The following IMMP2L variants were observed in gnomAD, a reference collection of about 807,000 sequenced individuals.
The protein encoded by IMMP2L is inner mitochondrial membrane peptidase subunit 2.
Under a neutral mutation model 19.3 loss-of-function variants are expected in IMMP2L, and 18 were observed. That is an observed-to-expected ratio of 0.93 (90% CI 0.64 to 1.38). The LOEUF (loss-of-function observed/expected upper bound fraction) is 1.38, where lower values mean the gene tolerates loss of function less well. IMMP2L is among the 40% of genes most tolerant of loss of function. The pLI, the probability that IMMP2L is intolerant of heterozygous loss-of-function variation, is 0.00. For synonymous variants in IMMP2L, 76 were observed against 73.0 expected, an observed-to-expected ratio of 1.04 and a Z score of -0.21; for missense variants, 233 against 218.2, an observed-to-expected ratio of 1.07 and a Z score of -0.43.
chr7:111,030,646 C>T (rs1238842794), intron 3 of IMMP2L, among the ~76,000 whole-genome samples: 1 of 151,900 alleles, frequency 6.6e-6, no homozygotes, highest in Admixed American at 6.6e-5. Flanking sequence ...ATGAAGTTCT[C>T]AACTATGAAA....
At chr7:110,782,921 T>C (rs11768246) in intron 5 of IMMP2L, among the ~76,000 whole-genome samples, 128,202 of 151,818 alleles carry the variant, frequency 0.84, 54,689 homozygotes, top group East Asian at 0.91. Flanking sequence ...CTGAAGAAAA[T>C]GCCACAATCC....
intron 3 of IMMP2L, among the ~76,000 whole-genome samples, chr7:111,139,646 A>T (rs776954725): frequency 6.6e-6 from 1 of 152,164 alleles, no homozygotes; most frequent in Non-Finnish European, 1.5e-5. Context: ...CCCATCTAGA[A>T]AGTTGTTCTT....
intron 3 of IMMP2L, among the ~76,000 whole-genome samples, chr7:111,215,849 G>C (rs775395597): frequency 2.6e-5 from 4 of 152,028 alleles, no homozygotes; most frequent in Non-Finnish European, 5.9e-5. Context: ...CTGTAAATGT[G>C]CTCATCAACT....
At chr7:111,073,946 T>C (rs1451166351) in intron 3 of IMMP2L, among the ~76,000 whole-genome samples, 16 of 152,224 alleles carry the variant, frequency 1.1e-4, no homozygotes, top group Admixed American at 1.0e-3. Flanking sequence ...CAGTCTTCTG[T>C]TCCTCTCTAT....
intron 2 of IMMP2L, among the ~76,000 whole-genome samples, chr7:111,503,303 G>C (rs1263092556): frequency 2.0e-5 from 3 of 152,086 alleles, no homozygotes; most frequent in Non-Finnish European, 4.4e-5. Flanking sequence ...AACAATAAGA[G>C]GCTCTGAAAT....
At chr7:111,410,448 A>G (rs971428859) in intron 3 of IMMP2L, among the ~76,000 whole-genome samples, 1 of 151,764 alleles carries the variant, frequency 6.6e-6, no homozygotes. Context: ...AGAAAAACCA[A>G]TGTAAATTAG....
chr7:110,820,399 T>C (rs1468079546), intron 5 of IMMP2L, among the ~76,000 whole-genome samples: 1 of 152,088 alleles, frequency 6.6e-6, no homozygotes, highest in Non-Finnish European at 1.5e-5. Context: ...TTAATTCACC[T>C]AATAAATCAC....
At chr7:110,903,416 C>T (rs1812116437) in intron 4 of IMMP2L, among the ~76,000 whole-genome samples, 1 of 152,126 alleles carries the variant, frequency 6.6e-6, no homozygotes, top group African/African-American at 2.4e-5. Context: ...TCTTCATTTT[C>T]CCCTCTGTAA....
intron 3 of IMMP2L, among the ~76,000 whole-genome samples, chr7:111,477,775 A>G (rs1441625798): frequency 6.6e-6 from 1 of 151,984 alleles, no homozygotes; most frequent in African/African-American, 2.4e-5. Flanking sequence ...GTGCATGCCT[A>G]TAATCCCAGC....
chr7:110,729,590 A>G (rs1049748747), intron 5 of IMMP2L, among the ~76,000 whole-genome samples: 2 of 152,246 alleles, frequency 1.3e-5, no homozygotes, highest in African/African-American at 4.8e-5. Context: ...TATGATAATC[A>G]AAGTTATTTT....
At chr7:111,465,742 T>A (rs893983922) in intron 3 of IMMP2L, among the ~76,000 whole-genome samples, 9 of 152,042 alleles carry the variant, frequency 5.9e-5, no homozygotes, top group African/African-American at 1.9e-4. Context: ...GTAAACTAGT[T>A]CAACCATTGT....
intron 3 of IMMP2L, among the ~76,000 whole-genome samples, chr7:111,130,229 G>C (rs772003614): frequency 6.6e-6 from 1 of 152,064 alleles, no homozygotes; most frequent in Non-Finnish European, 1.5e-5. Flanking sequence ...TTTTTCTTAG[G>C]AGCAAACTGA....
chr7:111,229,323 TAGTA>T (rs1402566185), intron 3 of IMMP2L, among the ~76,000 whole-genome samples: 2 of 152,054 alleles, frequency 1.3e-5, no homozygotes, highest in African/African-American at 4.8e-5. Context: ...AAACTTAGGA[TAGTA>T]AGTGATACGT....
chr7:110,807,212 C>T lies in IMMP2L; in HGVS notation c.408+79381G>A, dbSNP rs151303995. On this transcript the variant is annotated intron_variant, in intron 5 of 5. Transcript: ENST00000405709. ...CTCCTCTATGCGAAGCTTTATTCTT[C>T]AAGCCTATTCTTCTAGTCCCTATGG... Among the ~76,000 whole-genome samples, 31 of 152,132 alleles carry T rather than the reference C, an allele frequency of 2.0e-4. No homozygotes were observed. In the East Asian group the frequency reaches 5.8e-3, roughly 29 times the overall value.
At chr7:111,226,201 G>C (rs1160514187) in intron 3 of IMMP2L, among the ~76,000 whole-genome samples, 1 of 151,686 alleles carries the variant, frequency 6.6e-6, no homozygotes, top group East Asian at 1.9e-4. Flanking sequence ...CTGTTACCGA[G>C]GCTGAAGTAT....
chr7:111,509,615 T>C (rs10264707), intron 2 of IMMP2L, among the ~76,000 whole-genome samples: 2,408 of 152,266 alleles, frequency 0.016, 85 homozygotes, highest in African/African-American at 0.055. Context: ...CACATAATGA[T>C]AGTAATTACA....
intron 5 of IMMP2L, among the ~76,000 whole-genome samples, chr7:110,838,164 C>T (rs1316699137): frequency 6.6e-6 from 1 of 150,404 alleles, no homozygotes; most frequent in African/African-American, 2.5e-5. Flanking sequence ...TTATCTGGGC[C>T]TTTGATCCTA....
At chr7:111,422,778 G>A (rs942786215) in intron 3 of IMMP2L, among the ~76,000 whole-genome samples, 1 of 151,824 alleles carries the variant, frequency 6.6e-6, no homozygotes, top group African/African-American at 2.4e-5. Context: ...GTGAGAGAGG[G>A]CATCCTTGTC....
chr7:111,343,490 C>T (rs1251109554), intron 3 of IMMP2L, among the ~76,000 whole-genome samples: 1 of 152,078 alleles, frequency 6.6e-6, no homozygotes, highest in East Asian at 1.9e-4. Context: ...TGAGACATGA[C>T]ATTCACCCAG....
Sources: allele counts gnomAD v4.1 joint callset (sites outside exome capture counted in the v4.1 genomes callset), GRCh38; gene constraint gnomAD v4.1.1; transcripts MANE v1.5; gene names NCBI Gene and HGNC (gene_info 2026-07-23, HGNC 2026-07-21).